KIAA1217: variants seen among roughly 807,000 people sequenced by gnomAD.
KIAA1217 encodes sickle tail protein homolog.
KIAA1217 carries 88 observed loss-of-function variants against 163.9 expected under a neutral mutation model. That is an observed-to-expected ratio of 0.54 (90% CI 0.45 to 0.64). KIAA1217 has a LOEUF of 0.64. KIAA1217 is among the 30% of genes least tolerant of loss of function. The pLI, the probability that KIAA1217 is intolerant of heterozygous loss-of-function variation, is 0.00. For missense variants in KIAA1217, 2,372 were observed against 2,475.0 expected (o/e 0.96, Z 0.88); for synonymous variants, 903 against 923.1 (o/e 0.98, Z 0.39).
chr10:24,161,820 CCCAT>C (rs1248654719), intron 2 of KIAA1217, among the ~76,000 whole-genome samples: 1 of 152,176 alleles, frequency 6.6e-6, no homozygotes, highest in Non-Finnish European at 1.5e-5. Context: ...AGGAAGGACA[CCCAT>C]AGAGACAAGA....
chr10:23,895,460 T>A (rs1056473653), intron 1 of KIAA1217, among the ~76,000 whole-genome samples: 1 of 152,098 alleles, frequency 6.6e-6, no homozygotes, highest in Non-Finnish European at 1.5e-5. Flanking sequence ...CTCACACCAG[T>A]TAGAATGGCA....
At chr10:23,909,098 A>G (rs1842310419) in intron 1 of KIAA1217, among the ~76,000 whole-genome samples, 1 of 152,204 alleles carries the variant, frequency 6.6e-6, no homozygotes. Flanking sequence ...AAAGTAACTC[A>G]GGAATGGTAA....
Position 24,524,338 on chromosome 10 carries a change from G to C in KIAA1217, c.2472G>C (p.Gly824=). Residue 824 remains glycine, a synonymous_variant, in exon 13 of 21, where the codon GGG becomes GGC. Coordinates refer to ENST00000376454, the MANE Select transcript of KIAA1217 (RefSeq NM_019590.5). ...TTTCTCCTAGACATGTCACTGATGG[G>C]CTCCTGAAAGGCACGGACGCAGCCC... The part of the protein sequence containing the change: ...LTMLRRHVTD[G]LLKGTDAAQA... 1 of 1,609,616 alleles carries C rather than the reference G, an allele frequency of 6.2e-7. No individual in the cohort carries two copies. Among genetic ancestry groups the C allele is most frequent in the Non-Finnish European group, 8.5e-7 (1 of 1,176,278 alleles).
At chr10:24,165,554 C>A (rs1158973076) in intron 2 of KIAA1217, among the ~76,000 whole-genome samples, 1 of 152,104 alleles carries the variant, frequency 6.6e-6, no homozygotes, top group African/African-American at 2.4e-5. Flanking sequence ...TTTCTGTACC[C>A]ATGGGGTATA....
At chr10:24,170,115 C>T (rs540624616) in intron 2 of KIAA1217, among the ~76,000 whole-genome samples, 72 of 152,312 alleles carry the variant, frequency 4.7e-4, no homozygotes, top group Non-Finnish European at 9.8e-4. Flanking sequence ...ATGCTTTATA[C>T]AAAAACTCAT....
intron 1 of KIAA1217, among the ~76,000 whole-genome samples, chr10:23,710,442 A>G (rs1170819076): frequency 1.3e-5 from 2 of 152,220 alleles, no homozygotes; most frequent in African/African-American, 4.8e-5. Flanking sequence ...GGTCTTGAAG[A>G]TGACTTTGTA....
At chr10:24,407,895 C>A (rs1275433447) in intron 3 of KIAA1217, among the ~76,000 whole-genome samples, 3 of 152,114 alleles carry the variant, frequency 2.0e-5, no homozygotes, top group Non-Finnish European at 4.4e-5. Flanking sequence ...AAAGAGGTTT[C>A]TGAATTTTTT....
intron 8 of KIAA1217, among the ~76,000 whole-genome samples, chr10:24,497,873 G>C (rs2067010002): frequency 1.3e-5 from 2 of 151,920 alleles, no homozygotes; most frequent in African/African-American, 4.8e-5. Context: ...CTACGAATTG[G>C]GTACAAAGTA....
intron 1 of KIAA1217, among the ~76,000 whole-genome samples, chr10:23,726,750 G>C (rs1268404195): frequency 6.6e-6 from 1 of 152,076 alleles, no homozygotes; most frequent in African/African-American, 2.4e-5. Flanking sequence ...GATATGAACA[G>C]ACACTTCTCA....
intron 2 of KIAA1217, among the ~76,000 whole-genome samples, chr10:24,017,050 T>G (rs370377563): frequency 0.22 from 33,246 of 150,520 alleles, 4,502 homozygotes; most frequent in Middle Eastern, 0.41. Flanking sequence ...GTTTTTTTTT[T>G]TTTTTTTTGA....
chr10:24,290,059 C>T (rs544957654), intron 2 of KIAA1217, among the ~76,000 whole-genome samples: 2 of 152,148 alleles, frequency 1.3e-5, no homozygotes, highest in South Asian at 2.1e-4. Flanking sequence ...TATGGCAGTT[C>T]GTGTGCAGAG....
rs533114249 is a variant in KIAA1217 at position 23,856,193 on chromosome 10, C to T, written c.-320-151032C>T. ...GTGATGTACAGATGGGTTTTTGGTG[C>T]GGATGTCCTTTCTGTTTGTTAGTTT... is the stretch of plus-strand genomic sequence containing the variant. On this transcript the variant is annotated intron_variant, in intron 1 of 18. Coordinates refer to the KIAA1217 transcript ENST00000376462. 2.5e-4 allele frequency among the ~76,000 whole-genome samples: 38 copies of T among 152,212 alleles called. 1 individual carries two copies. Among genetic ancestry groups the T allele is most frequent in the South Asian group, 1.2e-3 (6 of 4,818 alleles).
chr10:23,804,643 T>C (rs541029148), intron 1 of KIAA1217, among the ~76,000 whole-genome samples: 8 of 152,326 alleles, frequency 5.3e-5, no homozygotes, highest in African/African-American at 1.7e-4. Flanking sequence ...GTGCTGGAGA[T>C]ATACAGGTCT....
chr10:24,002,029 TCCCTATGGGGTCTGTGATAGTAGATG>T (rs1304027716), intron 1 of KIAA1217, among the ~76,000 whole-genome samples: 2 of 152,090 alleles, frequency 1.3e-5, no homozygotes, highest in African/African-American at 4.8e-5. Flanking sequence ...GGGCATTGGA[TCCCTATGGGGTCTGTGATAGTAGATG>T]AGGCTGGGAA....
intron 2 of KIAA1217, among the ~76,000 whole-genome samples, chr10:24,172,714 C>T (rs940858841): frequency 1.3e-5 from 2 of 152,148 alleles, no homozygotes; most frequent in African/African-American, 2.4e-5. Context: ...CACAGTTGAC[C>T]AGAGACATCA....
chr10:24,033,965 G>A (rs949543628), intron 2 of KIAA1217, among the ~76,000 whole-genome samples: 2 of 152,200 alleles, frequency 1.3e-5, no homozygotes, highest in Admixed American at 6.5e-5. Flanking sequence ...AGAACATTCT[G>A]CTAGGATATC....
intron 5 of KIAA1217, among the ~76,000 whole-genome samples, chr10:24,443,189 A>T (rs2060643393): frequency 6.6e-6 from 1 of 152,148 alleles, no homozygotes; most frequent in Non-Finnish European, 1.5e-5. Context: ...GGCGTGGGCT[A>T]CTGCGCCTGG....
At chr10:24,458,026 G>A (rs75539453) in intron 5 of KIAA1217, among the ~76,000 whole-genome samples, 19 of 152,312 alleles carry the variant, frequency 1.2e-4, no homozygotes, top group East Asian at 9.7e-4. Flanking sequence ...GGCTTCTGTC[G>A]GTGTCAGAGC....
intron 1 of KIAA1217, among the ~76,000 whole-genome samples, chr10:23,918,424 C>G (rs1003481568): frequency 1.3e-5 from 2 of 152,120 alleles, no homozygotes; most frequent in African/African-American, 2.4e-5. Context: ...GAGAATGAAG[C>G]ATAACTGATG....
Sources: gnomAD v4.1 joint callset for allele counts (sites outside exome capture counted in the v4.1 genomes callset) on GRCh38, gnomAD v4.1.1 for gene constraint, MANE v1.5 for transcripts, NCBI Gene and HGNC (gene_info 2026-07-23, HGNC 2026-07-21) for gene names.